Variants in AKNAD1 observed in about 807,000 individuals in gnomAD.
The protein encoded by AKNAD1 is protein AKNAD1.
A neutral mutation model predicts 90.8 loss-of-function variants in AKNAD1; 67 were observed. That is an observed-to-expected ratio of 0.74 (90% CI 0.61 to 0.90). AKNAD1 has a LOEUF of 0.90. Among genes scored for constraint, AKNAD1 ranks in the 40% least tolerant of loss-of-function variants. The pLI, the probability that AKNAD1 is intolerant of heterozygous loss-of-function variation, is 0.00. For synonymous variants in AKNAD1, 327 were observed against 341.4 expected (o/e 0.96, Z 0.46); for missense variants, 957 against 975.4 (o/e 0.98, Z 0.25).
At position 108,838,034 on chromosome 1, in the gene AKNAD1, G is replaced by A. The variant is rs112185365; in HGVS notation, c.1380-328C>T. ...TGAGATCCCTTACAAGGGATTCTAAGAACTGTGATTCTATGGAATTACTTG... is the reference window on the plus strand; with the variant it reads ...TGAGATCCCTTACAAGGGATTCTAAAAACTGTGATTCTATGGAATTACTTG... On this transcript the variant is annotated intron_variant, in intron 6 of 15. Transcript: ENST00000370001. Among the ~76,000 whole-genome samples, 1,368 of 152,224 alleles carry A rather than the reference G, an allele frequency of 9.0e-3. 19 individuals are homozygous for A. The highest frequency in any genetic ancestry group is 0.028 in the South Asian group (135 of 4,818).
chr1:108,837,492 T>C (rs1664420535), intron 7 of AKNAD1, 58 bp downstream of exon 7: 2 of 1,524,638 alleles, frequency 1.3e-6, no homozygotes, highest in South Asian at 1.2e-5. Context: ...TAGGAGTCTA[T>C]AAATGCAAAA....
chr1:108,823,791 GCACCAAAGTGCTTAATGTCCCGGCTGTGT>G (rs1257128139), intron 11 of AKNAD1, 103 bp from the exon 12 acceptor site: 1 of 1,535,460 alleles, frequency 6.5e-7, no homozygotes, highest in Non-Finnish European at 8.8e-7. Context: ...TATGTGTTTG[GCACCAAAGTGCTTAATGTCCCGGCTGTGT>G]CACCAAGAGG....
At chr1:108,847,590 C>CCCCAAG (rs1481601455) in intron 5 of AKNAD1, among the ~76,000 whole-genome samples, 6 of 151,810 alleles carry the variant, frequency 4.0e-5, no homozygotes, top group African/African-American at 1.5e-4. Flanking sequence ...CTCCCAAGTG[C>CCCCAAG]TGTATGGTAA....
chr1:108,821,444 C>T (rs1432666611), intron 13 of AKNAD1, among the ~76,000 whole-genome samples: 6 of 145,944 alleles, frequency 4.1e-5, no homozygotes. Context: ...GAGTGAGACT[C>T]TGTCTCAAAA....
intron 5 of AKNAD1, among the ~76,000 whole-genome samples, chr1:108,846,241 A>G (rs1373782722): frequency 6.6e-6 from 1 of 152,086 alleles, no homozygotes; most frequent in African/African-American, 2.4e-5. Context: ...GAAGTCCCAG[A>G]CCACAGGCTG....
intron 10 of AKNAD1, 86 bp downstream of exon 10, chr1:108,830,473 G>T: frequency 7.7e-7 from 1 of 1,302,446 alleles, no homozygotes; most frequent in Non-Finnish European, 1.1e-6. Context: ...AGTGGCCTCA[G>T]TTAGTTGCCG....
chr1:108,856,331 G>C (rs1371068520), intron 1 of AKNAD1, among the ~76,000 whole-genome samples: 1 of 152,112 alleles, frequency 6.6e-6, no homozygotes, highest in Non-Finnish European at 1.5e-5. Context: ...AAGATACTTT[G>C]TTGGCCAAAT....
chr1:108,844,261 G>A (rs946123888), intron 5 of AKNAD1, among the ~76,000 whole-genome samples: 15 of 152,152 alleles, frequency 9.9e-5, no homozygotes, highest in African/African-American at 3.6e-4. Flanking sequence ...TACCTGGGAG[G>A]TTGAGGCAGG....
intron 5 of AKNAD1, among the ~76,000 whole-genome samples, chr1:108,848,255 C>T (rs540111936): frequency 6.6e-6 from 1 of 152,312 alleles, no homozygotes; most frequent in South Asian, 2.1e-4. Context: ...GACAACATGA[C>T]TGCTGTGGTG....
upstream of AKNAD1, chr1:108,857,391 A>G (rs1416916936): frequency 1.3e-5 from 2 of 153,236 alleles, no homozygotes; most frequent in African/African-American, 4.8e-5. Flanking sequence ...AACCATGGCT[A>G]GGATGACTGG....
Position 108,852,497 on chromosome 1 carries a change from C to A in AKNAD1, c.168G>T (p.Glu56Asp), listed in dbSNP as rs758809669. ...QIIFIADDPQ[E>D]KAMHSETCGN... ...CACAAGTCTCACTATGCATAGCCTTCTCTTGAGGGTCATCTGCTATGAAAA... is the reference window on the plus strand; with the variant it reads ...CACAAGTCTCACTATGCATAGCCTTATCTTGAGGGTCATCTGCTATGAAAA... The change falls in exon 2 of 16, where the codon GAG (glutamate) becomes GAT (aspartate). Residue 56 changes from glutamate to aspartate, a missense_variant. Coordinates refer to ENST00000370001, the MANE Select transcript of AKNAD1 (RefSeq NM_152763.5). 1 of 1,614,092 alleles carries A rather than the reference C, an allele frequency of 6.2e-7. No homozygotes were observed. The highest frequency in any genetic ancestry group is 8.5e-7 in the Non-Finnish European group (1 of 1,179,994).
chr1:108,838,152 A>G (rs868567755), intron 6 of AKNAD1, among the ~76,000 whole-genome samples: 11 of 152,286 alleles, frequency 7.2e-5, no homozygotes, highest in Middle Eastern at 3.4e-3. Flanking sequence ...ATGTGTATAT[A>G]AATATATATT....
chr1:108,844,377 C>CATATATATATATAT (rs35559697), intron 5 of AKNAD1, among the ~76,000 whole-genome samples: 21 of 145,112 alleles, frequency 1.4e-4, no homozygotes, highest in African/African-American at 4.9e-4. Context: ...TCTCTCTCTC[C>CATATATATATATAT]ATATATATAT....
chr1:108,843,098 G>A (rs371352068), intron 6 of AKNAD1, 36 bp downstream of exon 6: 2 of 1,608,502 alleles, frequency 1.2e-6, no homozygotes, highest in East Asian at 4.5e-5. Context: ...GATCACCTTT[G>A]ACCCTTCCAC....
intron 11 of AKNAD1, among the ~76,000 whole-genome samples, chr1:108,824,401 T>C (rs879637562): frequency 7.5e-5 from 11 of 147,140 alleles, no homozygotes; most frequent in African/African-American, 2.0e-4. Flanking sequence ...ACTGAACTCA[T>C]GGTTAGACTC....
intron 13 of AKNAD1, among the ~76,000 whole-genome samples, chr1:108,822,890 G>A (rs1663862986): frequency 6.6e-6 from 1 of 152,070 alleles, no homozygotes. Flanking sequence ...TTTTAAATAT[G>A]TGTTTGTAGG....
Position 108,817,196 on chromosome 1 carries a change from T to C in AKNAD1, c.2250-19A>G. On this transcript the variant is annotated intron_variant, in intron 14 of 15. Transcript: ENST00000370001. The stretch of plus-strand genomic sequence containing the variant: ...TTTTTTTCTGGAAGACAAAAGCACA[T>C]TGATACTTGTGTCAAGCGCCACCCT... 6.2e-7 allele frequency: 1 copy of C among 1,613,564 alleles called. No homozygotes were observed. Among genetic ancestry groups the C allele is most frequent in the Non-Finnish European group, 8.5e-7 (1 of 1,179,718 alleles).
rs557388338 is a variant in AKNAD1 at position 108,837,341 on chromosome 1, T to C, written c.1536+209A>G. 6.6e-5 allele frequency: 34 copies of C among 517,630 alleles called. No individual in the cohort carries two copies. The South Asian group carries it at 1.2e-3, about 19-fold the overall frequency. 32.1% of individuals were successfully genotyped at this position (517,630 alleles called of 1,614,324 possible). On this transcript the variant is annotated intron_variant, in intron 7 of 15. Transcript: ENST00000370001. The stretch of plus-strand genomic sequence containing the variant: ...AACAGCATTGTTACATCCTAAACTA[T>C]AAAGATGTTTCAAAAATTAACACTT...
At chr1:108,840,648 T>C (rs1444138717) in intron 6 of AKNAD1, among the ~76,000 whole-genome samples, 2 of 152,138 alleles carry the variant, frequency 1.3e-5, no homozygotes, top group African/African-American at 2.4e-5. Flanking sequence ...AATAGACACA[T>C]AGATCAATGG....
Sources: gnomAD v4.1 joint callset for allele counts (sites outside exome capture counted in the v4.1 genomes callset) on GRCh38, gnomAD v4.1.1 for gene constraint, MANE v1.5 for transcripts, NCBI Gene and HGNC (gene_info 2026-07-23, HGNC 2026-07-21) for gene names.